Variants in PHKB observed in about 807,000 individuals in gnomAD.
PHKB encodes phosphorylase kinase regulatory subunit beta, also known as phosphorylase b kinase regulatory subunit beta.
PHKB carries 122 observed loss-of-function variants against 152.1 expected under a neutral mutation model. The observed-to-expected ratio is 0.80, with a 90% CI of 0.69 to 0.93. PHKB has a LOEUF of 0.93. Among genes scored for constraint, PHKB ranks in the 40% least tolerant of loss-of-function variants. The pLI is 0.00. For missense variants in PHKB, 1,304 were observed against 1,328.4 expected (o/e 0.98, Z 0.29); for synonymous variants, 436 against 464.9 (o/e 0.94, Z 0.80).
intron 6 of PHKB, 122 bp downstream of exon 6, chr16:47,515,723 C>A: frequency 1.5e-6 from 1 of 670,866 alleles, no homozygotes; most frequent in Non-Finnish European, 2.7e-6. Context: ...TTTATATAAT[C>A]AGATAGTAGA....
chr16:47,566,965 C>T, intron 7 of PHKB: 1 of 518,192 alleles, frequency 1.9e-6, no homozygotes, highest in South Asian at 2.0e-5. Flanking sequence ...CTTTGTGTGT[C>T]TATTTTTGTA....
At position 47,641,087 on chromosome 16, in the gene PHKB, A is replaced by C. The variant is rs111301209; in HGVS notation, c.1511A>C (p.Gln504Pro). 1 of 1,613,884 alleles carries C rather than the reference A, an allele frequency of 6.2e-7. No individual in the cohort carries two copies. The highest frequency in any genetic ancestry group is 2.2e-5 in the East Asian group (1 of 44,888). Residue 504 changes from glutamine (Q) to proline (P), a missense_variant, in exon 15 of 31, where the codon CAA becomes CCA. Gln to Pro is a moderately conservative substitution (Grantham distance 76). Transcript: ENST00000323584. Reference sequence around the variant, plus strand: ...CATGTGGCACTTATAGCAGAAAGCCAAAGGTATGAAATCCAAGTGGGTGGT... The same window carrying C: ...CATGTGGCACTTATAGCAGAAAGCCCAAGGTATGAAATCCAAGTGGGTGGT... ...VVHVALIAES[Q>P]RLQVFLNTYG... is the part of the protein sequence containing the mutation.
intron 6 of PHKB, among the ~76,000 whole-genome samples, chr16:47,541,307 C>A (rs1326546311): frequency 6.6e-6 from 1 of 152,170 alleles, no homozygotes; most frequent in Non-Finnish European, 1.5e-5. Flanking sequence ...TCATCCATGT[C>A]CCCGCAAAGG....
intron 20 of PHKB, among the ~76,000 whole-genome samples, chr16:47,652,466 C>T (rs1426464785): frequency 6.6e-6 from 1 of 151,120 alleles, no homozygotes; most frequent in Non-Finnish European, 1.5e-5. Context: ...GAGAAATCTC[C>T]AAACTGTTTT....
At position 47,499,814 on chromosome 16, in the gene PHKB, A is replaced by C. The variant is rs1970293947; in HGVS notation, c.225A>C (p.Thr75=). 1.2e-6 allele frequency: 2 copies of C among 1,614,064 alleles called. No individual in the cohort carries two copies. Among genetic ancestry groups the C allele is most frequent in the African/African-American group, 1.3e-5 (1 of 74,930 alleles). ...CTACCGGTCTCTTTCCCACTAAAACATGCGGTGGTGACCAGAAGGCCAAGA... is the reference window on the plus strand; with the variant it reads ...CTACCGGTCTCTTTCCCACTAAAACCTGCGGTGGTGACCAGAAGGCCAAGA... ...SPTTGLFPTK[T]CGGDQKAKIQ... is the part of the protein sequence containing the mutation. The change falls in exon 3 of 31, where the codon ACA becomes ACC. Residue 75 remains threonine, a synonymous_variant. Transcript: ENST00000323584.
intron 7 of PHKB, among the ~76,000 whole-genome samples, chr16:47,578,226 C>T (rs980877162): frequency 6.6e-6 from 1 of 152,138 alleles, no homozygotes; most frequent in African/African-American, 2.4e-5. Flanking sequence ...CAAGCATGTT[C>T]GTAATTGCTT....
chr16:47,467,993 C>G (rs1343019632), intron 1 of PHKB, among the ~76,000 whole-genome samples: 3 of 152,168 alleles, frequency 2.0e-5, no homozygotes, highest in Non-Finnish European at 2.9e-5. Flanking sequence ...TTATTCTTAT[C>G]CCAATCATGT....
At chr16:47,616,349 T>C (rs1972513488) in intron 14 of PHKB, among the ~76,000 whole-genome samples, 1 of 151,602 alleles carries the variant, frequency 6.6e-6, no homozygotes, top group South Asian at 2.1e-4. Context: ...TAATTTTATA[T>C]ACGGTGTGAG....
In PHKB at chr16:47,499,927, A is replaced by G. The variant is rs752587262; in HGVS notation, c.305+33A>G. On this transcript the variant is annotated intron_variant, in intron 3 of 30. Coordinates refer to ENST00000323584, the MANE Select transcript of PHKB (RefSeq NM_000293.3). ...GGTGTGTGTTCTCCTCGTAACTTTG[A>G]GAGTGGATAATAGGGTTTTGTAGGA... The G allele has an allele frequency of 3.1e-6, 5 of 1,613,298 alleles. No homozygotes were observed. The South Asian group carries it at 5.5e-5, about 18-fold the overall frequency.
In PHKB at chr16:47,553,201, G is replaced by A. The variant is rs542467110; in HGVS notation, c.710+5653G>A. Among the ~76,000 whole-genome samples, 567 of 152,062 alleles carry A rather than the reference G, an allele frequency of 3.7e-3. 1 individual carries two copies. Among genetic ancestry groups the A allele is most frequent in the Non-Finnish European group, 6.2e-3 (421 of 67,996 alleles). On this transcript the variant is annotated intron_variant, in intron 7 of 30. Coordinates refer to ENST00000323584, the MANE Select transcript of PHKB (RefSeq NM_000293.3). ...AACATAGGTTTGGTCTTTCCACATA[G>A]TCCCATATTTTTTGGAAGCTTTGTT...
intron 14 of PHKB, among the ~76,000 whole-genome samples, chr16:47,613,701 A>C (rs771176379): frequency 2.0e-5 from 3 of 152,222 alleles, no homozygotes; most frequent in Admixed American, 2.0e-4. Context: ...CGGTCAAAAT[A>C]CTTAATTGTA....
chr16:47,501,284 C>T (rs1454783255), intron 3 of PHKB, among the ~76,000 whole-genome samples: 6 of 152,092 alleles, frequency 3.9e-5, no homozygotes, highest in Admixed American at 3.9e-4. Context: ...CTTGCCTGGA[C>T]TCTTTAAAAA....
intron 5 of PHKB, among the ~76,000 whole-genome samples, chr16:47,514,731 G>T (rs544156116): frequency 5.9e-5 from 9 of 152,318 alleles, no homozygotes; most frequent in African/African-American, 2.2e-4. Flanking sequence ...ACACAGGGTT[G>T]TGCCTGTTGT....
chr16:47,561,368 C>T (rs980891561), intron 7 of PHKB: 2 of 152,156 alleles, frequency 1.3e-5, no homozygotes, highest in Non-Finnish European at 2.9e-5. Flanking sequence ...TTCACTAAAG[C>T]CTTCTGGCTA....
At chr16:47,483,051 T>TC (rs1417493971) in intron 1 of PHKB, among the ~76,000 whole-genome samples, 17 of 144,558 alleles carry the variant, frequency 1.2e-4, no homozygotes, top group Admixed American at 1.2e-3. Context: ...TTTTTTTTTT[T>TC]TTTTGGAGAC....
At chr16:47,476,432 A>G (rs1555468965) in intron 1 of PHKB, among the ~76,000 whole-genome samples, 1 of 152,050 alleles carries the variant, frequency 6.6e-6, no homozygotes, top group Non-Finnish European at 1.5e-5. Flanking sequence ...TACCCACTTT[A>G]TCCCAATTCT....
At chr16:47,683,566 G>T (rs537233174) in intron 26 of PHKB, among the ~76,000 whole-genome samples, 1 of 152,338 alleles carries the variant, frequency 6.6e-6, no homozygotes, top group African/African-American at 2.4e-5. Context: ...TCCGAGCCAG[G>T]TGTGGGATAT....
intron 6 of PHKB, among the ~76,000 whole-genome samples, chr16:47,536,508 T>C (rs1187903483): frequency 2.0e-4 from 30 of 152,170 alleles, no homozygotes. Flanking sequence ...GAAAAAACAT[T>C]TAGAACCAAA....
At chr16:47,650,323 A>C (rs1306521516) in intron 18 of PHKB, among the ~76,000 whole-genome samples, 1 of 152,232 alleles carries the variant, frequency 6.6e-6, no homozygotes, top group Non-Finnish European at 1.5e-5. Flanking sequence ...TTAAGAATAA[A>C]GTTTGAAATC....
Sources: gnomAD v4.1 joint callset for allele counts (sites outside exome capture counted in the v4.1 genomes callset) on GRCh38, gnomAD v4.1.1 for gene constraint, MANE v1.5 for transcripts, NCBI Gene and HGNC (gene_info 2026-07-23, HGNC 2026-07-21) for gene names.